KLHL32: variants seen among roughly 807,000 people sequenced by gnomAD.
The protein encoded by KLHL32 is kelch like family member 32.
A neutral mutation model predicts 64.8 loss-of-function variants in KLHL32; 35 were observed. The ratio of observed to expected loss-of-function variants is 0.54; its 90% confidence interval spans 0.41 to 0.72. The LOEUF (loss-of-function observed/expected upper bound fraction) is 0.72. Ranked by LOEUF, KLHL32 falls within the 30% of genes least tolerant of loss-of-function variation. The pLI, the probability that KLHL32 is intolerant of heterozygous loss-of-function variation, is 0.00. For synonymous variants in KLHL32, 259 were observed against 281.0 expected (o/e 0.92, Z 0.78); for missense variants, 589 against 768.5 (o/e 0.77, Z 2.76).
At chr6:97,091,710 GT>G (rs1794262148) in intron 6 of KLHL32, among the ~76,000 whole-genome samples, 1 of 152,152 alleles carries the variant, frequency 6.6e-6, no homozygotes, top group African/African-American at 2.4e-5. Flanking sequence ...TTCGCCTTTT[GT>G]TCAATGCTTT....
At chr6:97,108,132 C>T (rs983129111) in intron 6 of KLHL32, among the ~76,000 whole-genome samples, 9 of 152,268 alleles carry the variant, frequency 5.9e-5, no homozygotes, top group South Asian at 2.1e-4. Context: ...AGCACTCTTT[C>T]GTAATGTCCT....
the KLHL32 span, among the ~76,000 whole-genome samples, chr6:96,904,339 C>CAAAAAAAAAAAAAAAAAAAAAAAAA: frequency 9.4e-6 from 1 of 106,100 alleles, no homozygotes; most frequent in African/African-American, 3.6e-5. Flanking sequence ...AAGACTTTGT[C>CAAAAAAAAAAAAAAAAAAAAAAAAA]AAAAAAAAAA....
chr6:97,038,242 A>G (rs576745554), intron 3 of KLHL32, among the ~76,000 whole-genome samples: 1 of 152,264 alleles, frequency 6.6e-6, no homozygotes, highest in African/African-American at 2.4e-5. Flanking sequence ...GCAAACCCAC[A>G]GAATGGGGAC....
chr6:96,998,060 C>T (rs1056797389), intron 3 of KLHL32, among the ~76,000 whole-genome samples: 1 of 152,148 alleles, frequency 6.6e-6, no homozygotes, highest in African/African-American at 2.4e-5. Context: ...TGCTTCCAGC[C>T]CCCAAGACTG....
At chr6:96,967,995 G>A (rs745825615) in intron 2 of KLHL32, among the ~76,000 whole-genome samples, 5 of 152,184 alleles carry the variant, frequency 3.3e-5, no homozygotes, top group Admixed American at 6.5e-5. Flanking sequence ...TATCTTCAGA[G>A]CAAAGAATAA....
At chr6:97,027,652 C>T (rs528494796) in intron 3 of KLHL32, among the ~76,000 whole-genome samples, 1 of 152,320 alleles carries the variant, frequency 6.6e-6, no homozygotes, top group Non-Finnish European at 1.5e-5. Context: ...ATGATTTACT[C>T]TTTCAAAGAC....
intron 3 of KLHL32, among the ~76,000 whole-genome samples, chr6:97,019,950 T>C (rs1185425757): frequency 6.7e-6 from 1 of 148,668 alleles, no homozygotes; most frequent in Non-Finnish European, 1.5e-5. Flanking sequence ...CGGCGAATTT[T>C]TTTTTTTTTT....
chr6:96,920,035 A>G (rs1002365329), upstream of KLHL32, among the ~76,000 whole-genome samples: 1 of 152,212 alleles, frequency 6.6e-6, no homozygotes, highest in African/African-American at 2.4e-5. Flanking sequence ...GGCAGGGTCT[A>G]TTTACACAGG....
At chr6:97,032,625 T>C (rs760947786) in intron 3 of KLHL32, among the ~76,000 whole-genome samples, 1 of 152,194 alleles carries the variant, frequency 6.6e-6, no homozygotes, top group Non-Finnish European at 1.5e-5. Flanking sequence ...CTGCTGTATA[T>C]ACGGGATTGG....
At chr6:96,941,487 T>C (rs966705884) in intron 1 of KLHL32, among the ~76,000 whole-genome samples, 4 of 152,172 alleles carry the variant, frequency 2.6e-5, no homozygotes, top group Non-Finnish European at 5.9e-5. Context: ...CTTAAATAAG[T>C]TTTCTGAGTG....
intron 3 of KLHL32, among the ~76,000 whole-genome samples, chr6:97,021,954 C>T (rs908432019): frequency 6.6e-6 from 1 of 150,908 alleles, no homozygotes; most frequent in Non-Finnish European, 1.5e-5. Flanking sequence ...AGACTGCTGG[C>T]AGGTCCCCAT....
At chr6:97,019,405 G>A (rs1256881805) in intron 3 of KLHL32, among the ~76,000 whole-genome samples, 1 of 152,194 alleles carries the variant, frequency 6.6e-6, no homozygotes, top group Non-Finnish European at 1.5e-5. Flanking sequence ...ACTCCACAGG[G>A]AACACAGGAG....
chr6:97,097,298 A>G (rs1795116372), intron 6 of KLHL32, among the ~76,000 whole-genome samples: 1 of 152,184 alleles, frequency 6.6e-6, no homozygotes, highest in Non-Finnish European at 1.5e-5. Context: ...GAAAACAATC[A>G]AGGCTCTGAT....
At position 97,032,678 on chromosome 6, in the gene KLHL32, G is replaced by C. The variant is rs549821072; in HGVS notation, c.205-8814G>C. On this transcript the variant is annotated intron_variant, in intron 3 of 10. Coordinates refer to ENST00000369261, the MANE Select transcript of KLHL32 (RefSeq NM_052904.4). ...GCACATCAGGGGCAATTACAACTTGGAAGATCTGAAAAAAGAACTTGGTTG... is the reference window on the plus strand; with the variant it reads ...GCACATCAGGGGCAATTACAACTTGCAAGATCTGAAAAAAGAACTTGGTTG... Among the ~76,000 whole-genome samples, 11 of 146,892 alleles carry C rather than the reference G, an allele frequency of 7.5e-5. No individual in the cohort carries two copies. In the South Asian group the frequency reaches 1.7e-3, roughly 22 times the overall value.
rs115116051 is a variant in KLHL32, at chr6:97,047,652, A to G, written c.312+6053A>G. Among the ~76,000 whole-genome samples, 1,082 of 152,324 alleles carry G rather than the reference A, an allele frequency of 7.1e-3. 14 individuals carry two copies. Among genetic ancestry groups the G allele is most frequent in the African/African-American group, 0.024 (1,008 of 41,556 alleles). On this transcript the variant is annotated intron_variant, in intron 4 of 10. Coordinates refer to ENST00000369261, the MANE Select transcript of KLHL32 (RefSeq NM_052904.4). ...TTCATGTTTCAGACCAGTCCTGAGTAGAAGAGGTATGAGGAAGAAGGAAGA... is the reference window on the plus strand; with the variant it reads ...TTCATGTTTCAGACCAGTCCTGAGTGGAAGAGGTATGAGGAAGAAGGAAGA...
intron 2 of KLHL32, among the ~76,000 whole-genome samples, chr6:96,969,790 C>T (rs1420161446): frequency 1.3e-5 from 2 of 152,218 alleles, no homozygotes; most frequent in African/African-American, 4.8e-5. Flanking sequence ...CTTCTCTATG[C>T]AGATGAGTCT....
chr6:96,995,493 C>A (rs563411023), intron 3 of KLHL32, among the ~76,000 whole-genome samples: 31 of 152,192 alleles, frequency 2.0e-4, no homozygotes, highest in Non-Finnish European at 3.4e-4. Context: ...CTAAGGTATT[C>A]CTGAGCCCCT....
At chr6:97,001,860 C>T (rs901288370) in intron 3 of KLHL32, among the ~76,000 whole-genome samples, 8 of 152,080 alleles carry the variant, frequency 5.3e-5, no homozygotes, top group African/African-American at 1.4e-4. Flanking sequence ...AGGTTGTTGC[C>T]GTTCATCTAG....
At chr6:97,039,222 T>A (rs1263759225) in intron 3 of KLHL32, among the ~76,000 whole-genome samples, 3 of 152,172 alleles carry the variant, frequency 2.0e-5, no homozygotes, top group Non-Finnish European at 4.4e-5. Context: ...AATGAAATCC[T>A]GTCATTTGCA....
Sources: gnomAD v4.1 joint callset for allele counts (sites outside exome capture counted in the v4.1 genomes callset) on GRCh38, gnomAD v4.1.1 for gene constraint, MANE v1.5 for transcripts, NCBI Gene and HGNC (gene_info 2026-07-23, HGNC 2026-07-21) for gene names.